The following ARHGAP21 variants were observed in gnomAD, a reference collection of about 807,000 sequenced individuals.
The protein encoded by ARHGAP21 is Rho GTPase activating protein 21.
A neutral mutation model predicts 164.6 loss-of-function variants in ARHGAP21; 38 were observed. The observed-to-expected ratio is 0.23, with a 90% confidence interval of 0.18 to 0.30. The LOEUF is 0.30. ARHGAP21 is among the 10% of genes least tolerant of loss of function. The pLI is 1.00. For synonymous variants in ARHGAP21, 766 were observed against 857.9 expected (o/e 0.89, Z 1.87); for missense variants, 1,822 against 2,370.7 (o/e 0.77, Z 4.81).
intron 2 of ARHGAP21, among the ~76,000 whole-genome samples, chr10:24,714,606 C>A (rs1845172620): frequency 6.6e-6 from 1 of 152,106 alleles, no homozygotes; most frequent in African/African-American, 2.4e-5. Flanking sequence ...AAACTTTTGG[C>A]ATGGAACAGT....
At chr10:24,647,392 C>G (rs1220807080) in intron 4 of ARHGAP21, among the ~76,000 whole-genome samples, 4 of 152,176 alleles carry the variant, frequency 2.6e-5, no homozygotes, top group Non-Finnish European at 5.9e-5. Flanking sequence ...ACTGTTCTAG[C>G]TTATACACAT....
chr10:24,586,154 A>C, intron 25 of ARHGAP21, 48 bp from the exon 26 acceptor site: 1 of 1,505,612 alleles, frequency 6.6e-7, no homozygotes, highest in Non-Finnish European at 8.8e-7. Flanking sequence ...AATGCAGCTG[A>C]GTTCATTTTC....
In ARHGAP21 at chr10:24,721,895, ATCATT is replaced by A. The variant is rs765417060; in HGVS notation, c.-1_4del. 1.9e-6 allele frequency: 3 copies of A among 1,614,100 alleles called. No individual in the cohort carries two copies. Among genetic ancestry groups the A allele is most frequent in the Non-Finnish European group, 2.5e-6 (3 of 1,180,040 alleles). On this transcript the variant is annotated start_lost and start_retained_variant and 5_prime_UTR_variant, in exon 2 of 26. Coordinates refer to ENST00000396432, the MANE Select transcript of ARHGAP21 (RefSeq NM_020824.4). ...AGACAGACCAGTCCGACGCGTGGCCATCATTTCATTTCAAATGACAAAGAAGGGAC... is the reference window on the plus strand; with the variant it reads ...AGACAGACCAGTCCGACGCGTGGCCATCATTTCAAATGACAAAGAAGGGAC...
chr10:24,594,318 A>G (rs2076479242), intron 21 of ARHGAP21, among the ~76,000 whole-genome samples: 1 of 152,184 alleles, frequency 6.6e-6, no homozygotes. Context: ...TGACTTAAGC[A>G]AATAACCCTA....
At chr10:24,589,206 A>C in intron 25 of ARHGAP21, 65 bp downstream of exon 25, 1 of 1,408,722 alleles carries the variant, frequency 7.1e-7, no homozygotes, top group South Asian at 1.2e-5. Flanking sequence ...TTGTGTATCA[A>C]CCATAACAAT....
intron 2 of ARHGAP21, among the ~76,000 whole-genome samples, chr10:24,673,601 C>A (rs1409718078): frequency 6.6e-6 from 1 of 152,216 alleles, no homozygotes; most frequent in Admixed American, 6.5e-5. Context: ...GTGGCTCACG[C>A]CTGTAATCCC....
chr10:24,655,994 G>A (rs929052955), intron 4 of ARHGAP21, among the ~76,000 whole-genome samples: 8 of 138,652 alleles, frequency 5.8e-5, no homozygotes, highest in Admixed American at 4.8e-4. Context: ...CCCCGTCTGA[G>A]AAGTGAGGAG....
At chr10:24,600,569 A>C in intron 14 of ARHGAP21, 77 bp downstream of exon 14, 3 of 1,461,090 alleles carry the variant, frequency 2.1e-6, no homozygotes, top group Non-Finnish European at 2.7e-6. Flanking sequence ...TAAAAATGAT[A>C]TATCATATTC....
Position 24,584,375 on chromosome 10 carries a change from T to C in ARHGAP21, c.*37A>G, listed in dbSNP as rs772212081. ...ACAGAGTTACTGGAACGTGTAACAG[T>C]AGTTTTTTTACTTGCTAGAGTGGAC... On this transcript the variant is annotated 3_prime_UTR_variant, in exon 26 of 26. Coordinates refer to ENST00000396432, the MANE Select transcript of ARHGAP21 (RefSeq NM_020824.4). 19 of 1,529,840 alleles carry C rather than the reference T, an allele frequency of 1.2e-5. No homozygotes were observed. In the South Asian group the frequency reaches 2.4e-4, roughly 19 times the overall value. 94.8% of individuals were successfully genotyped at this position (1,529,840 alleles called of 1,614,324 possible). A position where few individuals can be genotyped will look rare whatever the true frequency, so the allele number is the denominator to read the frequency against.
chr10:24,713,737 T>C (rs1845080970), intron 2 of ARHGAP21, among the ~76,000 whole-genome samples: 1 of 151,916 alleles, frequency 6.6e-6, no homozygotes, highest in South Asian at 2.1e-4. Context: ...CCTCCCAAAG[T>C]ACTGGGATGA....
intron 8 of ARHGAP21, 38 bp downstream of exon 8, chr10:24,622,695 C>A (rs2131216692): frequency 5.6e-6 from 9 of 1,593,080 alleles, no homozygotes; most frequent in Non-Finnish European, 7.7e-6. Context: ...CAAAACATGA[C>A]TTAAAAAGCA....
rs11814431 is a variant in ARHGAP21, at chr10:24,634,911, T to C, written c.361+100A>G. 1,488 of 827,648 alleles carry C rather than the reference T, an allele frequency of 1.8e-3. 18 individuals are homozygous for C. In the African/African-American group the frequency reaches 0.02, roughly 11 times the overall value. 51.3% of individuals were successfully genotyped at this position (827,648 alleles called of 1,614,324 possible). A position where few individuals can be genotyped will look rare whatever the true frequency, so the allele number is the denominator to read the frequency against. On this transcript the variant is annotated intron_variant, in intron 5 of 25. Coordinates refer to ENST00000396432, the MANE Select transcript of ARHGAP21 (RefSeq NM_020824.4). ...AGATGTGAAGGAAAAGGAAGAAGCATACAGAAAGATACAAAAGGAAAAAAT... is the reference window on the plus strand; with the variant it reads ...AGATGTGAAGGAAAAGGAAGAAGCACACAGAAAGATACAAAAGGAAAAAAT...
chr10:24,675,313 AGAG>A (rs1555001901), intron 2 of ARHGAP21, among the ~76,000 whole-genome samples: 2 of 152,202 alleles, frequency 1.3e-5, no homozygotes, highest in Non-Finnish European at 1.5e-5. Flanking sequence ...TCAAAGAAGA[AGAG>A]GAGGAGGAGA....
rs1403430272 is a variant in ARHGAP21 at position 24,622,767 on chromosome 10, C to A, written c.496-5G>T. ...GACATCCTTTGTAAACTGTAGCTAG[C>A]AGAAAATAGGAAAACATAGTAGAAG... On this transcript the variant is annotated splice_polypyrimidine_tract_variant and splice_region_variant and intron_variant, in intron 7 of 25. Coordinates refer to ENST00000396432, the MANE Select transcript of ARHGAP21 (RefSeq NM_020824.4). The A allele has an allele frequency of 6.2e-7, 1 of 1,610,152 alleles. No individual in the cohort carries two copies. Among genetic ancestry groups the A allele is most frequent in the Non-Finnish European group, 8.5e-7 (1 of 1,178,598 alleles).
intron 11 of ARHGAP21, among the ~76,000 whole-genome samples, chr10:24,605,258 T>C (rs1350605177): frequency 1.3e-5 from 2 of 152,156 alleles, no homozygotes; most frequent in Admixed American, 6.5e-5. Flanking sequence ...TTCTGAGAGA[T>C]TGAAACCAAC....
intron 6 of ARHGAP21, 149 bp downstream of exon 6, chr10:24,633,253 G>T: frequency 1.9e-6 from 1 of 526,296 alleles, no homozygotes; most frequent in Non-Finnish European, 3.2e-6. Flanking sequence ...GCTGGTCCTT[G>T]GCAACTCTCA....
intron 9 of ARHGAP21, among the ~76,000 whole-genome samples, chr10:24,611,593 A>G (rs1001518353): frequency 1.3e-5 from 2 of 152,032 alleles, no homozygotes; most frequent in Admixed American, 6.6e-5. Flanking sequence ...AATCCCAGCT[A>G]CTCAGGAGGT....
intron 4 of ARHGAP21, among the ~76,000 whole-genome samples, chr10:24,636,002 T>C (rs891910079): frequency 6.6e-5 from 10 of 152,128 alleles, no homozygotes; most frequent in Admixed American, 4.6e-4. Context: ...CAAAATACAG[T>C]CATGGCAATG....
intron 7 of ARHGAP21, 179 bp from the exon 8 acceptor site, chr10:24,622,941 C>T (rs757741464): frequency 1.1e-5 from 6 of 539,654 alleles, no homozygotes; most frequent in Non-Finnish European, 1.3e-5. Flanking sequence ...TTCTTCTGAA[C>T]ATCTTTTTCT....
Sources: allele counts gnomAD v4.1 joint callset (sites outside exome capture counted in the v4.1 genomes callset), GRCh38; gene constraint gnomAD v4.1.1; transcripts MANE v1.5; gene names NCBI Gene and HGNC (gene_info 2026-07-23, HGNC 2026-07-21).